The following HYDIN variants were observed in gnomAD, a reference collection of about 807,000 sequenced individuals.
HYDIN encodes the protein axonemal central pair apparatus protein HYDIN.
HYDIN carries 132 observed loss-of-function variants against 403.9 expected under a neutral mutation model. That is an observed-to-expected ratio of 0.33 (90% CI 0.28 to 0.38). The LOEUF is 0.38. HYDIN is among the 10% of genes least tolerant of loss of function. HYDIN has a pLI of 1.00. For missense variants in HYDIN, 2,827 were observed against 5,009.5 expected, an observed-to-expected ratio of 0.56 and a Z score of 13.15; for synonymous variants, 1,202 against 1,891.7, an observed-to-expected ratio of 0.64 and a Z score of 9.46.
intron 64 of HYDIN, among the ~76,000 whole-genome samples, 188 bp from the exon 65 acceptor site, chr16:70,872,367 C>T (rs1170898967): frequency 1.2e-4 from 14 of 119,622 alleles, no homozygotes; most frequent in Non-Finnish European, 1.8e-4. Context: ...CCCATCCATC[C>T]ATCTATCCAT....
intron 75 of HYDIN, among the ~76,000 whole-genome samples, chr16:70,848,430 T>C (rs1219175465): frequency 6.6e-5 from 10 of 151,940 alleles, no homozygotes; most frequent in Non-Finnish European, 1.2e-4. Flanking sequence ...AAACTGGAGA[T>C]TTAAAATAAT....
intron 28 of HYDIN, among the ~76,000 whole-genome samples, chr16:70,984,616 G>T (rs1324116362): frequency 2.0e-5 from 3 of 149,960 alleles, no homozygotes; most frequent in Non-Finnish European, 4.4e-5. Flanking sequence ...TATCATTAAA[G>T]ATGATGGTGC....
Position 70,992,155 on chromosome 16 carries a change from T to C in HYDIN, c.3700A>G (p.Ile1234Val). The C allele has an allele frequency of 6.2e-7, 1 of 1,611,908 alleles. No individual in the cohort carries two copies. The highest frequency in any genetic ancestry group is 8.5e-7 in the Non-Finnish European group (1 of 1,179,054). Reference sequence around the variant, plus strand: ...CTGGCAGCCTCTGAGGTTGCTGGGATGGACTCCATCTGGGACACTGGGGCA... The same window carrying C: ...CTGGCAGCCTCTGAGGTTGCTGGGACGGACTCCATCTGGGACACTGGGGCA... ...YSAPVSQMES[I>V]PATSEAASPP... The change falls in exon 24 of 86, where the codon ATC (isoleucine) becomes GTC (valine). Residue 1234 changes from isoleucine (I) to valine (V), a missense_variant. By Grantham distance (29) the Ile-to-Val change is conservative. Coordinates refer to ENST00000393567, the MANE Select transcript of HYDIN (RefSeq NM_001270974.2).
chr16:71,206,741 T>C (rs572597345), intron 1 of HYDIN, among the ~76,000 whole-genome samples: 4 of 152,262 alleles, frequency 2.6e-5, no homozygotes, highest in East Asian at 1.9e-4. Context: ...AACTGACCGA[T>C]AGAGCTGAAA....
chr16:70,950,976 C>T (rs1384443542), intron 41 of HYDIN, among the ~76,000 whole-genome samples: 1 of 152,144 alleles, frequency 6.6e-6, no homozygotes, highest in Non-Finnish European at 1.5e-5. Flanking sequence ...TGCCTGTAAT[C>T]CTAGTTCTTT....
intron 23 of HYDIN, among the ~76,000 whole-genome samples, chr16:71,005,509 C>T (rs2144085422): frequency 6.6e-6 from 1 of 152,270 alleles, no homozygotes; most frequent in South Asian, 2.1e-4. Context: ...TGATCTCAGA[C>T]TACCAGTCTC....
At chr16:70,959,276 T>C (rs542399468) in intron 39 of HYDIN, 1 of 174,594 alleles carries the variant, frequency 5.7e-6, no homozygotes, top group East Asian at 1.7e-4. Flanking sequence ...GTTATAATTG[T>C]GAATGCCAAC....
At chr16:71,209,415 A>G (rs1440700583) in intron 1 of HYDIN, among the ~76,000 whole-genome samples, 1 of 152,052 alleles carries the variant, frequency 6.6e-6, no homozygotes, top group African/African-American at 2.4e-5. Context: ...AGAGCTGTGC[A>G]TGACAAACTC....
chr16:71,213,080 A>G (rs2088683034), intron 1 of HYDIN, among the ~76,000 whole-genome samples: 1 of 152,174 alleles, frequency 6.6e-6, no homozygotes, highest in South Asian at 2.1e-4. Flanking sequence ...TTCTAAAACC[A>G]GGAAAAATAT....
chr16:70,920,487 T>C, intron 46 of HYDIN, 104 bp downstream of exon 46: 1 of 734,372 alleles, frequency 1.4e-6, no homozygotes, highest in South Asian at 1.9e-5. Context: ...ATGCATGCAG[T>C]TGAGGGGATA....
intron 22 of HYDIN, among the ~76,000 whole-genome samples, chr16:71,018,779 T>C (rs2080356358): frequency 6.6e-6 from 1 of 152,268 alleles, no homozygotes; most frequent in African/African-American, 2.4e-5. Flanking sequence ...AATTGAGGAG[T>C]TGTAAAGGAA....
intron 10 of HYDIN, among the ~76,000 whole-genome samples, chr16:71,098,347 G>A (rs1325136525): frequency 1.3e-5 from 2 of 151,622 alleles, no homozygotes; most frequent in Non-Finnish European, 2.9e-5. Flanking sequence ...GACTACAGAC[G>A]CCCGCCACCA....
At chr16:70,896,511 C>T (rs1244311236) in intron 53 of HYDIN, among the ~76,000 whole-genome samples, 4 of 151,978 alleles carry the variant, frequency 2.6e-5, no homozygotes, top group Admixed American at 2.6e-4. Flanking sequence ...CATCATCATG[C>T]TTGGCTAATT....
rs1046558268 is a variant in HYDIN, at chr16:70,951,285, AGAGG to A, written c.6531+1132_6531+1135del. Among the ~76,000 whole-genome samples the A allele has an allele frequency of 1.7e-3, 255 of 151,130 alleles. 2 individuals are homozygous for A. The highest frequency in any genetic ancestry group is 6.0e-3 in the African/African-American group (247 of 40,850). On this transcript the variant is annotated intron_variant, in intron 41 of 85. Coordinates refer to ENST00000393567, the MANE Select transcript of HYDIN (RefSeq NM_001270974.2). ...GAGAGAGAGAGAGAGAGAGAGGGAG[AGAGG>A]GAGAGAGAGAGAGAGAAACTTCACA...
intron 71 of HYDIN, among the ~76,000 whole-genome samples, chr16:70,858,801 G>C (rs1371855754): frequency 1.3e-5 from 2 of 152,138 alleles, no homozygotes; most frequent in South Asian, 2.1e-4. Context: ...GGCTGAAGTG[G>C]GGGCCATGAT....
intron 12 of HYDIN, chr16:71,081,113 T>G (rs950465878): frequency 6.6e-6 from 1 of 152,086 alleles, no homozygotes; most frequent in Non-Finnish European, 1.5e-5. Context: ...TTGAAGCTAC[T>G]AAATTTGTGA....
At chr16:71,212,582 A>G (rs567730426) in intron 1 of HYDIN, among the ~76,000 whole-genome samples, 1 of 152,326 alleles carries the variant, frequency 6.6e-6, no homozygotes, top group African/African-American at 2.4e-5. Context: ...GTAAGTAAAT[A>G]GTATATTTTA....
chr16:71,070,170 G>T (rs8063511), intron 13 of HYDIN, among the ~76,000 whole-genome samples: 1 of 152,088 alleles, frequency 6.6e-6, no homozygotes, highest in Non-Finnish European at 1.5e-5. Flanking sequence ...GCTTTGTTCC[G>T]TGAGACTCCT....
At chr16:71,158,007 T>A (rs1317264339) in intron 6 of HYDIN, among the ~76,000 whole-genome samples, 1 of 149,480 alleles carries the variant, frequency 6.7e-6, no homozygotes, top group African/African-American at 2.5e-5. Context: ...GGGAAGAGGC[T>A]TCTTCCTTCT....
Sources: gnomAD v4.1 joint callset for allele counts (sites outside exome capture counted in the v4.1 genomes callset) on GRCh38, gnomAD v4.1.1 for gene constraint, MANE v1.5 for transcripts, NCBI Gene and HGNC (gene_info 2026-07-23, HGNC 2026-07-21) for gene names.